The following DIPK2A variants were observed in gnomAD, a reference collection of about 807,000 sequenced individuals.
The protein encoded by DIPK2A is Golgi Protein of 49 kDa.
DIPK2A carries 27 observed loss-of-function variants against 39.0 expected under a neutral mutation model. The ratio of observed to expected loss-of-function variants is 0.69; its 90% CI spans 0.51 to 0.96. DIPK2A has a LOEUF of 0.96. Among genes scored for constraint, DIPK2A ranks in the 40% least tolerant of loss-of-function variants. The pLI is 0.00. For synonymous variants in DIPK2A, 298 were observed against 240.8 expected (o/e 1.24, Z -2.20); for missense variants, 528 against 571.3 (o/e 0.92, Z 0.77).
chr3:143,984,700 T>G (rs1229708193), intron 1 of DIPK2A, among the ~76,000 whole-genome samples: 1 of 151,942 alleles, frequency 6.6e-6, no homozygotes, highest in African/African-American at 2.4e-5. Context: ...TTTTTTGATT[T>G]AGGATGATAA....
chr3:143,972,202 C>A lies in DIPK2A; in HGVS notation c.-131C>A, dbSNP rs1194619983. On this transcript the variant is annotated 5_prime_UTR_variant, in exon 1 of 3. Transcript: ENST00000315691. ...GTCTTCCTCTCTCACACACCTACTC[C>A]GCCCTCCGCCCCAGCCCGCGCGCTA... The A allele has an allele frequency of 3.8e-6, 3 of 790,678 alleles. No individual in the cohort carries two copies. Among genetic ancestry groups the A allele is most frequent in the Admixed American group, 4.0e-5 (1 of 24,868 alleles). The allele number at this position is 790,678 out of a possible 1,614,324, so 49.0% of individuals were successfully genotyped here.
chr3:143,971,893 C>T lies in DIPK2A; in HGVS notation c.-440C>T, dbSNP rs1293943163. The T allele has an allele frequency of 6.0e-6, 1 of 165,884 alleles. No homozygotes were observed. Among genetic ancestry groups the T allele is most frequent in the Non-Finnish European group, 1.3e-5 (1 of 77,628 alleles). 10.3% of individuals were successfully genotyped at this position (165,884 alleles called of 1,614,324 possible). A position where few individuals can be genotyped will look rare whatever the true frequency, so the allele number is the denominator to read the frequency against. On this transcript the variant is annotated 5_prime_UTR_variant, in exon 1 of 3. Transcript: ENST00000315691. ...GTGTGAGACATCCTAGCTCCTCTTC[C>T]CCTTCCGTGAGTCCCTCCTTTCCTC...
At chr3:143,978,642 A>ATATATAGATATATATATATC (rs1559854185) in intron 1 of DIPK2A, 10 of 34,520 alleles carry the variant, frequency 2.9e-4, no homozygotes, top group Non-Finnish European at 4.8e-4. Flanking sequence ...ATATATATCT[A>ATATATAGATATATATATATC]TATATATATA....
Position 143,972,919 on chromosome 3 carries a change from A to C in DIPK2A, c.587A>C (p.Asn196Thr). Residue 196 changes from asparagine to threonine, a missense_variant, in exon 1 of 3, where the codon AAC becomes ACC. Asn to Thr is a moderately conservative substitution (Grantham distance 65, BLOSUM62 0). Around this residue, in one of 2 missense-constraint regions of DIPK2A, gnomAD observed 309 missense variants for 289.8 expected, o/e 1.07. Transcript: ENST00000315691. Reference sequence around the variant, plus strand: ...GACTCGGGCAGCTTCCTGCTTCGCAACCTCAAGGACTCGGAGCGCATGCAG... The same window carrying C: ...GACTCGGGCAGCTTCCTGCTTCGCACCCTCAAGGACTCGGAGCGCATGCAG... ...TKDSGSFLLR[N>T]LKDSERMQLL... is the part of the protein sequence containing the mutation. 2 of 1,589,394 alleles carry C rather than the reference A, an allele frequency of 1.3e-6. No homozygotes were observed. The highest frequency in any genetic ancestry group is 1.7e-6 in the Non-Finnish European group (2 of 1,170,168).
Position 143,976,527 on chromosome 3 carries a change from GGA to G in DIPK2A, c.657+3542_657+3543del, listed in dbSNP as rs1405275419. Among the ~76,000 whole-genome samples, 17 of 132,566 alleles carry G rather than the reference GGA, an allele frequency of 1.3e-4. No homozygotes were observed. In the South Asian group the frequency reaches 1.5e-3, roughly 11 times the overall value. The allele number at this position is 132,566 out of a possible 152,430, so 87.0% of individuals were successfully genotyped here. A position where few individuals can be genotyped will look rare whatever the true frequency, so the allele number is the denominator to read the frequency against. ...TTTAACCTATTGAATTTACAGAAAGGGAGAGTGTGTGTGTGTGTGTGTGTGTG... is the reference window on the plus strand; with the variant it reads ...TTTAACCTATTGAATTTACAGAAAGGGAGTGTGTGTGTGTGTGTGTGTGTG... On this transcript the variant is annotated intron_variant, in intron 1 of 2. Transcript: ENST00000315691.
At chr3:143,980,939 G>A (rs1385240980) in intron 1 of DIPK2A, among the ~76,000 whole-genome samples, 3 of 151,934 alleles carry the variant, frequency 2.0e-5, no homozygotes, top group African/African-American at 7.2e-5. Flanking sequence ...GGTCATGTAG[G>A]AGAAAAAAGA....
chr3:143,980,807 T>C (rs545347290), intron 1 of DIPK2A, among the ~76,000 whole-genome samples: 10 of 152,152 alleles, frequency 6.6e-5, no homozygotes, highest in Non-Finnish European at 1.2e-4. Context: ...TTTTCTCTCT[T>C]AAGGCAAACT....
intron 1 of DIPK2A, among the ~76,000 whole-genome samples, chr3:143,980,176 T>C (rs1180124610): frequency 2.6e-5 from 4 of 152,258 alleles, no homozygotes; most frequent in East Asian, 1.9e-4. Context: ...ACAGCTGTTA[T>C]AACATGCGTT....
In DIPK2A at chr3:143,978,602, CTATATATATATATCTA is replaced by C. The variant is rs1559853988; in HGVS notation, c.657+5617_657+5632del. ...AAGGTATCTATATCTATCTATCTAT[CTATATATATATATCTA>C]TATCTATATATATATATATATCTAT... On this transcript the variant is annotated intron_variant, in intron 1 of 2. Coordinates refer to ENST00000315691, the MANE Select transcript of DIPK2A (RefSeq NM_173552.5). The C allele has an allele frequency of 5.6e-3, 768 of 137,342 alleles. 18 individuals are homozygous for C. The highest frequency in any genetic ancestry group is 0.019 in the African/African-American group (703 of 36,990). The allele number at this position is 137,342 out of a possible 1,614,324, so 8.5% of individuals were successfully genotyped here.
At chr3:143,988,960 C>T (rs10935504) in intron 2 of DIPK2A, among the ~76,000 whole-genome samples, 15,172 of 152,182 alleles carry the variant, frequency 0.1, 957 homozygotes, top group Non-Finnish European at 0.14. Context: ...ACACAAGTTA[C>T]GACCTATTTT....
chr3:143,985,447 TCATTCCTAGTAG>T, intron 1 of DIPK2A, 84 bp from the exon 2 acceptor site: 1 of 1,062,920 alleles, frequency 9.4e-7, no homozygotes, highest in Non-Finnish European at 1.4e-6. Context: ...AAATCCAAAG[TCATTCCTAGTAG>T]CAATCTCTAC....
chr3:143,972,461 A>G lies in DIPK2A; in HGVS notation c.129A>G (p.Glu43=). The G allele has an allele frequency of 6.2e-7, 1 of 1,603,718 alleles. No homozygotes were observed. The highest frequency in any genetic ancestry group is 8.5e-7 in the Non-Finnish European group (1 of 1,174,358). Residue 43 remains glutamate (E), a synonymous_variant, in exon 1 of 3, where the codon GAA becomes GAG. Transcript: ENST00000315691. ...PSLLASWQRN[E]LTDRRFLQLN... is the part of the protein sequence containing the mutation. ...TGCTCGCCTCTTGGCAGCGCAACGAACTGACCGACCGGCGCTTCCTGCAGC... is the reference window on the plus strand; with the variant it reads ...TGCTCGCCTCTTGGCAGCGCAACGAGCTGACCGACCGGCGCTTCCTGCAGC...
At chr3:143,988,911 C>T (rs1054330856) in intron 2 of DIPK2A, among the ~76,000 whole-genome samples, 6 of 152,162 alleles carry the variant, frequency 3.9e-5, no homozygotes, top group African/African-American at 1.4e-4. Context: ...ATCTTCAGCC[C>T]AGAGTTATCT....
chr3:143,978,647 T>TATAG (rs2087776813), intron 1 of DIPK2A: 1 of 42,766 alleles, frequency 2.3e-5, no homozygotes, highest in Admixed American at 2.4e-4. Flanking sequence ...TATCTATATA[T>TATAG]ATATATATAT....
chr3:143,977,508 A>C (rs758142553), intron 1 of DIPK2A, among the ~76,000 whole-genome samples: 6 of 152,096 alleles, frequency 3.9e-5, no homozygotes, highest in Non-Finnish European at 8.8e-5. Context: ...ATGTGGAGTT[A>C]AGGGTAGCCA....
intron 2 of DIPK2A, chr3:143,986,111 A>G: frequency 2.5e-6 from 1 of 397,636 alleles, no homozygotes. Flanking sequence ...AGTCTTGCCT[A>G]CCTTAGACAT....
At position 143,990,111 on chromosome 3, in the gene DIPK2A, A is replaced by G. The variant is rs2087960199; in HGVS notation, c.*270A>G. 5.2e-6 allele frequency: 2 copies of G among 384,444 alleles called. No individual in the cohort carries two copies. The highest frequency in any genetic ancestry group is 2.0e-5 in the African/African-American group (1 of 49,804). The allele number at this position is 384,444 out of a possible 1,614,324, so 23.8% of individuals were successfully genotyped here. ...TACCCCGGAATGCTTGAGTGGATTAATGAATATTGTTAAGCTATTGGAAAT... is the reference window on the plus strand; with the variant it reads ...TACCCCGGAATGCTTGAGTGGATTAGTGAATATTGTTAAGCTATTGGAAAT... On this transcript the variant is annotated 3_prime_UTR_variant, in exon 3 of 3. Coordinates refer to ENST00000315691, the MANE Select transcript of DIPK2A (RefSeq NM_173552.5).
At position 143,982,047 on chromosome 3, in the gene DIPK2A, A is replaced by G. The variant is rs145533455; in HGVS notation, c.658-3496A>G. ...ATTTGTTTTGTGCTTATCAGTAATA[A>G]AAAACAAGTTAAAATACTGTGTTTT... On this transcript the variant is annotated intron_variant, in intron 1 of 2. Coordinates refer to ENST00000315691, the MANE Select transcript of DIPK2A (RefSeq NM_173552.5). Among the ~76,000 whole-genome samples the G allele has an allele frequency of 1.6e-3, 241 of 152,344 alleles. 1 individual carries two copies. The highest frequency in any genetic ancestry group is 5.4e-3 in the African/African-American group (223 of 41,584).
intron 1 of DIPK2A, chr3:143,978,627 T>TATATATATATCTATATAG (rs2087770534): frequency 6.0e-5 from 2 of 33,218 alleles, no homozygotes; most frequent in Non-Finnish European, 9.8e-5. Context: ...TATATCTATA[T>TATATATATATCTATATAG]ATATATATAT....
Sources: gnomAD v4.1 joint callset for allele counts (sites outside exome capture counted in the v4.1 genomes callset) on GRCh38, gnomAD v4.1.1 for gene constraint, gnomAD v4.1.1 regional missense constraint, MANE v1.5 for transcripts, NCBI Gene and HGNC (gene_info 2026-07-23, HGNC 2026-07-21) for gene names.